The following WDR17 variants were observed in gnomAD, a reference collection of about 807,000 sequenced individuals.
WDR17 encodes WD repeat domain 17.
In WDR17, 143 loss-of-function variants were observed where a neutral mutation model predicts 161.7. The observed-to-expected ratio is 0.88, with a 90% confidence interval of 0.77 to 1.02. The LOEUF is 1.02. WDR17 is among the 50% of genes least tolerant of loss of function. The pLI is 0.00. For synonymous variants in WDR17, 517 were observed against 515.6 expected (o/e 1.00, Z -0.04); for missense variants, 1,469 against 1,520.9 (o/e 0.97, Z 0.57).
chr4:176,164,421 A>C (rs1005511814), intron 22 of WDR17, among the ~76,000 whole-genome samples: 1 of 152,170 alleles, frequency 6.6e-6, no homozygotes, highest in Non-Finnish European at 1.5e-5. Flanking sequence ...TTAACACAAA[A>C]ATTTGTTTAA....
At chr4:176,076,903 TC>T (rs1381967922) in intron 1 of WDR17, among the ~76,000 whole-genome samples, 1 of 152,128 alleles carries the variant, frequency 6.6e-6, no homozygotes, top group Non-Finnish European at 1.5e-5. Flanking sequence ...ATGTCAAATC[TC>T]CTTCTTATAT....
At chr4:176,104,253 G>A (rs887983756) in intron 1 of WDR17, among the ~76,000 whole-genome samples, 3 of 152,122 alleles carry the variant, frequency 2.0e-5, no homozygotes, top group East Asian at 3.9e-4. Context: ...ACCTGCTTTG[G>A]AAGAAATGCT....
intron 1 of WDR17, among the ~76,000 whole-genome samples, chr4:176,080,974 A>G (rs1734672023): frequency 1.1e-5 from 1 of 89,450 alleles, no homozygotes; most frequent in Non-Finnish European, 2.5e-5. Context: ...TTATCGCTTT[A>G]TCCCAGACCC....
At chr4:176,096,282 A>G (rs1561090415) in intron 1 of WDR17, among the ~76,000 whole-genome samples, 1 of 152,106 alleles carries the variant, frequency 6.6e-6, no homozygotes, top group South Asian at 2.1e-4. Flanking sequence ...TGATAATAGC[A>G]TTCTCTGGTA....
chr4:176,070,786 C>T (rs1300075280), intron 1 of WDR17, among the ~76,000 whole-genome samples: 2 of 152,070 alleles, frequency 1.3e-5, no homozygotes, highest in African/African-American at 2.4e-5. Context: ...CTGCCAAAGT[C>T]CTGGGATGCA....
chr4:176,150,702 A>G (rs1746978630), intron 16 of WDR17, 109 bp downstream of exon 16: 4 of 1,113,938 alleles, frequency 3.6e-6, no homozygotes, highest in Non-Finnish European at 3.6e-6. Flanking sequence ...GTAGATTTAA[A>G]TAAATGAACA....
rs769638463 is a variant in WDR17 at position 176,177,610 on chromosome 4, C to T, written c.3688C>T (p.His1230Tyr). The T allele has an allele frequency of 6.3e-7, 1 of 1,597,128 alleles. No individual in the cohort carries two copies. Among genetic ancestry groups the T allele is most frequent in the Non-Finnish European group, 8.5e-7 (1 of 1,175,766 alleles). The part of the protein sequence containing the change: ...DYVTGSNLPS[H>Y]SDIHISCLTG... ...TGTGACTGGATCAAATCTTCCAAGT[C>T]ATTCTGATATTCACATTTCTTGTCT... The change falls in exon 28 of 29, where the codon CAT (histidine) becomes TAT (tyrosine). Residue 1230 changes from histidine (H) to tyrosine (Y), a missense_variant. Transcript: ENST00000508596.
chr4:176,131,448 A>G (rs1028015585), intron 6 of WDR17, 106 bp from the exon 7 acceptor site: 1 of 1,140,966 alleles, frequency 8.8e-7, no homozygotes, highest in Non-Finnish European at 1.2e-6. Context: ...ATCATTGCCT[A>G]AATGGTTTAC....
intron 20 of WDR17, 117 bp from the exon 21 acceptor site, chr4:176,161,958 C>A: frequency 3.5e-6 from 3 of 849,020 alleles, no homozygotes; most frequent in Non-Finnish European, 5.2e-6. Flanking sequence ...GTCTTTAAAG[C>A]AAGCATGTCA....
intron 4 of WDR17, 138 bp from the exon 5 acceptor site, chr4:176,124,966 C>G: frequency 1.0e-6 from 1 of 952,526 alleles, no homozygotes; most frequent in Non-Finnish European, 1.5e-6. Flanking sequence ...GTCAGTTACG[C>G]CTTCTGCATA....
Position 176,119,946 on chromosome 4 carries a change from T to C in WDR17, c.387T>C (p.Ile129=), listed in dbSNP as rs576272115. The part of the protein sequence containing the change: ...AFVSHRGPLF[I]WTISGPDSGV... ...TTTCCCACAGAGGCCCACTGTTCAT[T>C]TGGACCATCTCAGGACCAGATAGTG... is the stretch of plus-strand genomic sequence containing the variant. Residue 129 remains isoleucine, a synonymous_variant, in exon 4 of 29, where the codon ATT becomes ATC. Transcript: ENST00000508596. 6.2e-7 allele frequency: 1 copy of C among 1,614,086 alleles called. No homozygotes were observed. Among genetic ancestry groups the C allele is most frequent in the South Asian group, 1.1e-5 (1 of 91,076 alleles).
intron 5 of WDR17, among the ~76,000 whole-genome samples, chr4:176,127,435 T>C (rs1459047267): frequency 6.6e-6 from 1 of 151,780 alleles, no homozygotes; most frequent in Non-Finnish European, 1.5e-5. Context: ...GAGATTGCAC[T>C]GTGGTGCATG....
Position 176,174,603 on chromosome 4 carries a change from A to G in WDR17, c.3348-14A>G, listed in dbSNP as rs981309987. The G allele has an allele frequency of 1.9e-6, 3 of 1,578,630 alleles. No individual in the cohort carries two copies. Among genetic ancestry groups the G allele is most frequent in the African/African-American group, 2.7e-5 (2 of 73,778 alleles). On this transcript the variant is annotated splice_polypyrimidine_tract_variant and intron_variant, in intron 25 of 28. Transcript: ENST00000508596. ...AATTGTGGAATTTATAAAAATAAATATATTCTCTTTTAGAGCTCGAAATGA... is the reference window on the plus strand; with the variant it reads ...AATTGTGGAATTTATAAAAATAAATGTATTCTCTTTTAGAGCTCGAAATGA...
At chr4:176,170,316 CTTTTTTT>C (rs34343977) in intron 23 of WDR17, among the ~76,000 whole-genome samples, 2 of 125,168 alleles carry the variant, frequency 1.6e-5, no homozygotes, top group Non-Finnish European at 3.3e-5. Flanking sequence ...TTTCTTTTTT[CTTTTTTT>C]TTTTTTTTTG....
At chr4:176,101,336 ACCACT>A (rs1737795885) in intron 1 of WDR17, among the ~76,000 whole-genome samples, 2 of 152,104 alleles carry the variant, frequency 1.3e-5, no homozygotes, top group East Asian at 1.9e-4. Context: ...CCCATATCTT[ACCACT>A]ACATTACTAA....
In WDR17 at chr4:176,160,020, A is replaced by G. The variant is rs1340356492; in HGVS notation, c.2552A>G (p.Asp851Gly). Reference protein sequence around the residue: ...QRRADQLIQEDKDDVIPYCIA... With the variant: ...QRRADQLIQEGKDDVIPYCIA... The stretch of plus-strand genomic sequence containing the variant: ...AGAGCTGACCAATTAATCCAGGAAG[A>G]TAAGGATGATGTCATTCCATACTGC... The change falls in exon 19 of 29, where the codon GAT (aspartate) becomes GGT (glycine). Residue 851 changes from aspartate (D) to glycine (G), a missense_variant. Physicochemically the swap from Asp to Gly is moderately conservative, Grantham distance 94. Transcript: ENST00000508596. 1.2e-6 allele frequency: 2 copies of G among 1,610,476 alleles called. No individual in the cohort carries two copies. Among genetic ancestry groups the G allele is most frequent in the East Asian group, 2.2e-5 (1 of 44,842 alleles).
intron 2 of WDR17, among the ~76,000 whole-genome samples, chr4:176,112,725 C>T (rs1739969879): frequency 6.6e-6 from 1 of 152,102 alleles, no homozygotes; most frequent in African/African-American, 2.4e-5. Flanking sequence ...TGCCTCTCTG[C>T]ATGCTTTCAT....
At chr4:176,073,440 T>C (rs1200182023) in intron 1 of WDR17, among the ~76,000 whole-genome samples, 5 of 151,780 alleles carry the variant, frequency 3.3e-5, no homozygotes, top group Non-Finnish European at 5.9e-5. Context: ...GAACTCATCA[T>C]TTTTTATGGC....
At chr4:176,126,728 T>C (rs1742507244) in intron 5 of WDR17, among the ~76,000 whole-genome samples, 1 of 152,184 alleles carries the variant, frequency 6.6e-6, no homozygotes, top group Non-Finnish European at 1.5e-5. Context: ...TGAATTGTCA[T>C]TGCCATGATC....
Sources: allele counts gnomAD v4.1 joint callset (sites outside exome capture counted in the v4.1 genomes callset), GRCh38; gene constraint gnomAD v4.1.1; transcripts MANE v1.5; gene names NCBI Gene and HGNC (gene_info 2026-07-23, HGNC 2026-07-21).